The following CRYL1 variants were observed in gnomAD, a reference collection of about 807,000 sequenced individuals.
The protein encoded by CRYL1 is crystallin lambda 1.
CRYL1 carries 29 observed loss-of-function variants against 36.6 expected under a neutral mutation model. The ratio of observed to expected loss-of-function variants is 0.79; its 90% CI spans 0.59 to 1.08. The LOEUF is 1.08. CRYL1 is among the 50% of genes least tolerant of loss of function. The pLI, the probability that CRYL1 is intolerant of heterozygous loss-of-function variation, is 0.00. For missense variants in CRYL1, 411 were observed against 407.9 expected, an observed-to-expected ratio of 1.01 and a Z score of -0.06; for synonymous variants, 152 against 151.5, an observed-to-expected ratio of 1.00 and a Z score of -0.02.
chr13:20,456,653 T>TAA (rs2032696081), intron 3 of CRYL1, among the ~76,000 whole-genome samples: 1 of 73,268 alleles, frequency 1.4e-5, no homozygotes, highest in African/African-American at 4.9e-5. Flanking sequence ...CCACGATTCT[T>TAA]AAAACACACA....
chr13:20,465,752 G>C (rs549066806), intron 3 of CRYL1, among the ~76,000 whole-genome samples: 1 of 152,288 alleles, frequency 6.6e-6, no homozygotes, highest in East Asian at 1.9e-4. Context: ...GGCAGCAACA[G>C]TATGACATGC....
chr13:20,413,330 G>A lies in CRYL1; in HGVS notation c.691C>T (p.Arg231Trp), dbSNP rs747863623. ...DLVMSEGLGMRYAFIGPLETM... is the reference protein window; with the variant it reads ...DLVMSEGLGMWYAFIGPLETM... Reference sequence around the variant, plus strand: ...TCCAGGGGTCCAATGAATGCATACCGCATGCCCAACCCTTCTGACATGACA... The same window carrying A: ...TCCAGGGGTCCAATGAATGCATACCACATGCCCAACCCTTCTGACATGACA... Residue 231 changes from arginine to tryptophan, a missense_variant, in exon 6 of 8, where the codon CGG (arginine) becomes TGG (tryptophan). Physicochemically the swap from Arg to Trp is moderately radical, Grantham distance 101. Transcript: ENST00000298248. 19 of 1,613,576 alleles carry A rather than the reference G, an allele frequency of 1.2e-5. No individual in the cohort carries two copies. Among genetic ancestry groups the A allele is most frequent in the African/African-American group, 5.3e-5 (4 of 75,002 alleles).
chr13:20,404,257 AG>A lies in CRYL1; in HGVS notation c.847-16del, dbSNP rs948519201. On this transcript the variant is annotated splice_polypyrimidine_tract_variant and intron_variant, in intron 7 of 7. Coordinates refer to ENST00000298248, the MANE Select transcript of CRYL1 (RefSeq NM_015974.3). The stretch of plus-strand genomic sequence containing the variant: ...ATGCACATGTCCTGCAAGAAGGAGA[AG>A]GAAAAAAAAGGACAATAAAGAGGAA... 3.4e-6 allele frequency: 5 copies of A among 1,475,836 alleles called. No homozygotes were observed. In the African/African-American group the frequency reaches 5.5e-5, roughly 16 times the overall value. The allele number at this position is 1,475,836 out of a possible 1,614,324, so 91.4% of individuals were successfully genotyped here. A position where few individuals can be genotyped will look rare whatever the true frequency, so the allele number is the denominator to read the frequency against.
intron 5 of CRYL1, among the ~76,000 whole-genome samples, chr13:20,416,721 A>G (rs1180896198): frequency 6.6e-6 from 1 of 152,220 alleles, no homozygotes; most frequent in Non-Finnish European, 1.5e-5. Context: ...GATTTTTAAA[A>G]AATCATTTTT....
At chr13:20,467,379 G>A (rs532528666) in intron 3 of CRYL1, among the ~76,000 whole-genome samples, 2 of 152,316 alleles carry the variant, frequency 1.3e-5, no homozygotes, top group Non-Finnish European at 2.9e-5. Context: ...ACAATCCCTT[G>A]TGGAGGAAAG....
At chr13:20,453,738 T>C (rs1425248535) in intron 3 of CRYL1, among the ~76,000 whole-genome samples, 1 of 151,888 alleles carries the variant, frequency 6.6e-6, no homozygotes, top group East Asian at 1.9e-4. Context: ...GAAAAAACAG[T>C]AACACTGACA....
chr13:20,409,103 T>A (rs2031453969), intron 6 of CRYL1, among the ~76,000 whole-genome samples: 2 of 152,068 alleles, frequency 1.3e-5, no homozygotes, highest in South Asian at 4.1e-4. Context: ...CAAGCTATAC[T>A]ACAAGGCTAC....
At chr13:20,439,045 A>G (rs1420463901) in intron 4 of CRYL1, among the ~76,000 whole-genome samples, 1 of 145,110 alleles carries the variant, frequency 6.9e-6, no homozygotes, top group East Asian at 2.3e-4. Context: ...GGGAAACCAC[A>G]AGGGGAAAAA....
At position 20,403,965 on chromosome 13, in the gene CRYL1, C is replaced by T. The variant is rs992086067; in HGVS notation, c.*164G>A. On this transcript the variant is annotated 3_prime_UTR_variant, in exon 8 of 8. Transcript: ENST00000298248. ...GGCCCAGGGCTATGATCCAAAGTGA[C>T]GGGCAGACTACCGGCCTGCACCACC... is the stretch of plus-strand genomic sequence containing the variant. 21 of 528,796 alleles carry T rather than the reference C, an allele frequency of 4.0e-5. No individual in the cohort carries two copies. The highest frequency in any genetic ancestry group is 1.4e-4 in the Admixed American group (4 of 28,352). 32.8% of individuals were successfully genotyped at this position (528,796 alleles called of 1,614,324 possible). A position where few individuals can be genotyped will look rare whatever the true frequency, so the allele number is the denominator to read the frequency against.
chr13:20,499,319 C>A (rs2033662962), intron 2 of CRYL1, among the ~76,000 whole-genome samples: 1 of 143,374 alleles, frequency 7.0e-6, no homozygotes, highest in African/African-American at 2.6e-5. Flanking sequence ...GCACTCCAGC[C>A]TGGGCAACAG....
chr13:20,430,141 G>C (rs1303691073), intron 5 of CRYL1: 2 of 967,020 alleles, frequency 2.1e-6, no homozygotes, highest in Non-Finnish European at 2.5e-6. Context: ...AGGACCTGAA[G>C]TTTCTAGAGC....
rs1197953753 is a variant in CRYL1, at chr13:20,450,509, A to T, written c.277-10755T>A. On this transcript the variant is annotated intron_variant, in intron 3 of 7. Transcript: ENST00000298248. ...ATCCTAGAAAAAAAAACTAGGAAAC[A>T]CCATTCTGAACATTAGCCTTTGGAA... 7.2e-5 allele frequency among the ~76,000 whole-genome samples: 11 copies of T among 152,202 alleles called. 1 individual carries two copies. Among genetic ancestry groups the T allele is most frequent in the Admixed American group, 7.2e-4 (11 of 15,278 alleles).
intron 2 of CRYL1, among the ~76,000 whole-genome samples, chr13:20,508,887 A>ACAAAAAAG (rs2033860243): frequency 4.7e-5 from 6 of 126,988 alleles, no homozygotes; most frequent in African/African-American, 1.7e-4. Context: ...AAAAAAAAAA[A>ACAAAAAAG]ACTGACAACA....
rs2031306395 is a variant in CRYL1 at position 20,404,261 on chromosome 13, A to G, written c.847-19T>C. 1 of 1,481,278 alleles carries G rather than the reference A, an allele frequency of 6.8e-7. No individual in the cohort carries two copies. The highest frequency in any genetic ancestry group is 9.4e-7 in the Non-Finnish European group (1 of 1,060,606). The allele number at this position is 1,481,278 out of a possible 1,614,324, so 91.8% of individuals were successfully genotyped here. A position where few individuals can be genotyped will look rare whatever the true frequency, so the allele number is the denominator to read the frequency against. On this transcript the variant is annotated intron_variant, in intron 7 of 7. Transcript: ENST00000298248. ...ACATGTCCTGCAAGAAGGAGAAGGA[A>G]AAAAAAGGACAATAAAGAGGAAATA...
At chr13:20,406,719 T>C in intron 6 of CRYL1, among the ~76,000 whole-genome samples, 1 of 151,708 alleles carries the variant, frequency 6.6e-6, no homozygotes, top group Middle Eastern at 3.2e-3. Flanking sequence ...GTTTATTCCT[T>C]CCTTTTGGGG....
chr13:20,516,465 G>A (rs1054494543), intron 1 of CRYL1, among the ~76,000 whole-genome samples: 8 of 151,644 alleles, frequency 5.3e-5, no homozygotes, highest in Admixed American at 2.6e-4. Context: ...TTCTCCTGGG[G>A]ACTGAATATC....
Position 20,404,180 on chromosome 13 carries a change from G to A in CRYL1, c.909C>T (p.Asp303=), listed in dbSNP as rs41292237. 36 of 1,613,984 alleles carry A rather than the reference G, an allele frequency of 2.2e-5. No individual in the cohort carries two copies. The highest frequency in any genetic ancestry group is 3.3e-5 in the Admixed American group (2 of 60,024). Residue 303 remains aspartate, a synonymous_variant, in exon 8 of 8, where the codon GAC becomes GAT. Transcript: ENST00000298248. The stretch of plus-strand genomic sequence containing the variant: ...ACTTGGCGAGTCTCATGAGGCACTC[G>A]TCCCTCCACTGCCTCCTGGCAGCTA... ...EHLAARRQWR[D]ECLMRLAKLK...
chr13:20,415,722 C>T lies in CRYL1; in HGVS notation c.634-2335G>A, dbSNP rs1482768431. ...GCAGACTCCGCCCGCTTCTAGAGGC[C>T]CGCACCCTGACTCCTGCAATTGCGG... On this transcript the variant is annotated intron_variant, in intron 5 of 7. Coordinates refer to ENST00000298248, the MANE Select transcript of CRYL1 (RefSeq NM_015974.3). The surrounding 1 kb of genome is among the most constrained non-coding windows in gnomAD (Gnocchi z 4.1). 2.0e-5 allele frequency among the ~76,000 whole-genome samples: 3 copies of T among 152,262 alleles called. No individual in the cohort carries two copies. The highest frequency in any genetic ancestry group is 4.4e-5 in the Non-Finnish European group (3 of 68,050).
intron 1 of CRYL1, among the ~76,000 whole-genome samples, chr13:20,524,343 T>C (rs1292510927): frequency 6.6e-6 from 1 of 152,070 alleles, no homozygotes; most frequent in Non-Finnish European, 1.5e-5. Flanking sequence ...ATTAATAAAA[T>C]GCAAGACAGA....
Sources: gnomAD v4.1 joint callset for allele counts (sites outside exome capture counted in the v4.1 genomes callset) on GRCh38, gnomAD v4.1.1 for gene constraint, Gnocchi (gnomAD v3.1) non-coding constraint, MANE v1.5 for transcripts, NCBI Gene and HGNC (gene_info 2026-07-23, HGNC 2026-07-21) for gene names.